RNF10: variants seen among roughly 807,000 people sequenced by gnomAD.
The protein encoded by RNF10 is ring finger protein 10.
In RNF10, 38 loss-of-function variants were observed where a neutral mutation model predicts 91.4. The observed-to-expected ratio is 0.42, with a 90% CI of 0.32 to 0.54. RNF10 has a LOEUF of 0.54. RNF10 is among the 20% of genes least tolerant of loss of function. The pLI is 0.16. For synonymous variants in RNF10, 364 were observed against 366.3 expected, an observed-to-expected ratio of 0.99 and a Z score of 0.07; for missense variants, 945 against 1,012.0, an observed-to-expected ratio of 0.93 and a Z score of 0.90.
intron 8 of RNF10, 23 bp from the exon 9 acceptor site, chr12:120,563,324 T>C: frequency 6.3e-7 from 1 of 1,590,752 alleles, no homozygotes; most frequent in Non-Finnish European, 8.5e-7. Flanking sequence ...TCCTTTCTGT[T>C]GACTTAGAGT....
chr12:120,545,174 GA>G (rs200520173), intron 1 of RNF10, among the ~76,000 whole-genome samples: 2,096 of 152,152 alleles, frequency 0.014, 53 homozygotes, highest in South Asian at 0.066. Flanking sequence ...AGAAAAACAA[GA>G]AACATTTTTA....
intron 16 of RNF10, 85 bp downstream of exon 16, chr12:120,576,035 CACTA>C: frequency 7.3e-7 from 1 of 1,370,666 alleles, no homozygotes; most frequent in East Asian, 2.3e-5. Flanking sequence ...TGGCAGACAT[CACTA>C]ATTAGGCTCT....
chr12:120,553,000 T>C (rs972836776), intron 3 of RNF10, among the ~76,000 whole-genome samples: 3 of 151,068 alleles, frequency 2.0e-5, no homozygotes, highest in African/African-American at 4.9e-5. Flanking sequence ...ACTTAACAGC[T>C]TTGAGATTTA....
At chr12:120,568,625 G>A (rs529587787) in intron 13 of RNF10, among the ~76,000 whole-genome samples, 5 of 151,614 alleles carry the variant, frequency 3.3e-5, no homozygotes, top group South Asian at 2.1e-4. Context: ...ACAGGTGTGC[G>A]TCACCATGCC....
intron 7 of RNF10, 122 bp from the exon 8 acceptor site, chr12:120,562,823 A>G: frequency 8.5e-7 from 1 of 1,180,050 alleles, no homozygotes; most frequent in Non-Finnish European, 1.2e-6. Context: ...ATTCCTTCCC[A>G]TTGGGTCTCA....
At chr12:120,552,350 A>G (rs1323892021) in intron 2 of RNF10, 149 bp from the exon 3 acceptor site, 2 of 646,318 alleles carry the variant, frequency 3.1e-6, no homozygotes, top group Non-Finnish European at 5.3e-6. Flanking sequence ...CAGTGAGCCA[A>G]GATCGTGCCA....
In RNF10 at chr12:120,534,685, A is replaced by G. The variant is rs1207913380; in HGVS notation, c.-127A>G. 7.2e-6 allele frequency: 10 copies of G among 1,379,600 alleles called. No individual in the cohort carries two copies. Among genetic ancestry groups the G allele is most frequent in the Non-Finnish European group, 9.3e-6 (10 of 1,075,878 alleles). 85.5% of individuals were successfully genotyped at this position (1,379,600 alleles called of 1,614,324 possible). On this transcript the variant is annotated 5_prime_UTR_variant, in exon 1 of 17. Coordinates refer to ENST00000325954, the MANE Select transcript of RNF10 (RefSeq NM_014868.5). ...TGAGAAGCCAAGGAAGGAAACAGGG[A>G]AAAATGTCGCCATGAAGGCCGAGAA...
chr12:120,540,946 C>G lies in RNF10; in HGVS notation c.158-5459C>G, dbSNP rs142258983. ...CTCGGCCTTGCCGCAACCTCCACCT[C>G]CCGGGTTCAAGCTATTCTCCTGCCT... On this transcript the variant is annotated intron_variant, in intron 1 of 16. Coordinates refer to ENST00000325954, the MANE Select transcript of RNF10 (RefSeq NM_014868.5). Among the ~76,000 whole-genome samples, 444 of 152,024 alleles carry G rather than the reference C, an allele frequency of 2.9e-3. 8 individuals are homozygous for G. The highest frequency in any genetic ancestry group is 1.0e-2 in the African/African-American group (413 of 41,458).
chr12:120,537,737 G>A (rs1473978038), intron 1 of RNF10, among the ~76,000 whole-genome samples: 1 of 152,134 alleles, frequency 6.6e-6, no homozygotes, highest in Non-Finnish European at 1.5e-5. Context: ...GCCACCGCCA[G>A]TGTCTGCTTT....
Position 120,534,947 on chromosome 12 carries a change from G to A in RNF10, c.136G>A (p.Gly46Ser), listed in dbSNP as rs773560714. 1.2e-6 allele frequency: 2 copies of A among 1,601,194 alleles called. No individual in the cohort carries two copies. Among genetic ancestry groups the A allele is most frequent in the Non-Finnish European group, 1.7e-6 (2 of 1,179,098 alleles). ...CCGCTCCGCCTCGGCGGGGCCAGCCGGCGAGTCTAAACCCAAGAGCGGTAA... is the reference window on the plus strand; with the variant it reads ...CCGCTCCGCCTCGGCGGGGCCAGCCAGCGAGTCTAAACCCAAGAGCGGTAA... ...PPRSASAGPA[G>S]ESKPKSDGKN... The change falls in exon 1 of 17, where the codon GGC becomes AGC. Residue 46 changes from glycine (G) to serine (S), a missense_variant. Physicochemically the swap from Gly to Ser is moderately conservative, Grantham distance 56. Coordinates refer to ENST00000325954, the MANE Select transcript of RNF10 (RefSeq NM_014868.5).
Position 120,548,742 on chromosome 12 carries a change from C to A in RNF10, c.354+2141C>A, listed in dbSNP as rs556931725. 2.0e-5 allele frequency among the ~76,000 whole-genome samples: 3 copies of A among 151,604 alleles called. No individual in the cohort carries two copies. In the East Asian group the frequency reaches 5.8e-4, roughly 30 times the overall value. ...TGGCGCAATCTCGGCTCACTGCAAC[C>A]TCCGCTCTTGGGTTCACGCCATTCT... On this transcript the variant is annotated intron_variant, in intron 2 of 16. Coordinates refer to ENST00000325954, the MANE Select transcript of RNF10 (RefSeq NM_014868.5).
chr12:120,552,564 G>C lies in RNF10; in HGVS notation c.420G>C (p.Leu140=). The part of the protein sequence containing the change: ...AQFSGPKKIN[L]NHLLNFTFEP... ...TCTCTGGTCCTAAGAAGATCAACCT[G>C]AACCACTTGTTGAATTTCACTTTTG... The change falls in exon 3 of 17, where the codon CTG becomes CTC. Residue 140 remains leucine (L), a synonymous_variant. Coordinates refer to ENST00000325954, the MANE Select transcript of RNF10 (RefSeq NM_014868.5). The C allele has an allele frequency of 1.2e-6, 2 of 1,614,192 alleles. No homozygotes were observed. Among genetic ancestry groups the C allele is most frequent in the Non-Finnish European group, 1.7e-6 (2 of 1,180,026 alleles).
chr12:120,575,532 A>G (rs1877269736), intron 14 of RNF10, 99 bp from the exon 15 acceptor site: 1 of 1,249,702 alleles, frequency 8.0e-7, no homozygotes. Context: ...CAAAGGTGAT[A>G]GTTGGTTCTG....
At chr12:120,569,495 A>G (rs1384812168) in intron 13 of RNF10, among the ~76,000 whole-genome samples, 1 of 150,848 alleles carries the variant, frequency 6.6e-6, no homozygotes, top group East Asian at 1.9e-4. Flanking sequence ...GAGCATACGA[A>G]GGACTGTGGC....
In RNF10 at chr12:120,534,911, C is replaced by A; in HGVS notation, c.100C>A (p.Gln34Lys). The A allele has an allele frequency of 6.2e-7, 1 of 1,607,176 alleles. No individual in the cohort carries two copies. ...SSASSGSSKG[Q>K]QPPRSASAGP... Reference sequence around the variant, plus strand: ...CGCCTCTTCGGGCAGCAGCAAAGGGCAACAGCCGCCCCGCTCCGCCTCGGC... The same window carrying A: ...CGCCTCTTCGGGCAGCAGCAAAGGGAAACAGCCGCCCCGCTCCGCCTCGGC... Residue 34 changes from glutamine to lysine, a missense_variant, in exon 1 of 17, where the codon CAA (glutamine) becomes AAA (lysine). Coordinates refer to ENST00000325954, the MANE Select transcript of RNF10 (RefSeq NM_014868.5).
At chr12:120,555,166 A>T (rs745562659) in intron 4 of RNF10, among the ~76,000 whole-genome samples, 7 of 152,240 alleles carry the variant, frequency 4.6e-5, no homozygotes, top group Non-Finnish European at 1.0e-4. Flanking sequence ...AGGGAGGCAC[A>T]TGAATGAGCC....
chr12:120,563,933 C>G lies in RNF10; in HGVS notation c.1655C>G (p.Ser552Cys). The G allele has an allele frequency of 6.2e-7, 1 of 1,614,110 alleles. No individual in the cohort carries two copies. Among genetic ancestry groups the G allele is most frequent in the Non-Finnish European group, 8.5e-7 (1 of 1,180,022 alleles). Residue 552 changes from serine to cysteine, a missense_variant, in exon 10 of 17, where the codon TCC becomes TGC. Coordinates refer to ENST00000325954, the MANE Select transcript of RNF10 (RefSeq NM_014868.5). ...SATVVEIAGY[S>C]MSEDVRQRHR... ...ACTGTGGTGGAGATTGCTGGCTACT[C>G]CATGTCTGAGGTGAGGCCTTCCTGT...
intron 2 of RNF10, among the ~76,000 whole-genome samples, chr12:120,546,900 T>C (rs1872422901): frequency 6.6e-6 from 1 of 152,194 alleles, no homozygotes; most frequent in South Asian, 2.1e-4. Context: ...TTGGAATATT[T>C]AGGTAATAAA....
In RNF10 at chr12:120,546,549, G is replaced by A. The variant is rs1211053469; in HGVS notation, c.302G>A (p.Gly101Asp). The A allele has an allele frequency of 1.2e-6, 2 of 1,614,060 alleles. No homozygotes were observed. The highest frequency in any genetic ancestry group is 3.3e-5 in the Admixed American group (2 of 59,986). ...TFNKMPPQRG[G>D]GSSKLFSSSF... ...AACAAGATGCCTCCTCAAAGGGGCG[G>A]CGGCAGCAGCAAACTCTTTAGCTCT... The change falls in exon 2 of 17, where the codon GGC becomes GAC. Residue 101 changes from glycine to aspartate, a missense_variant. Transcript: ENST00000325954.
Sources: allele counts gnomAD v4.1 joint callset (sites outside exome capture counted in the v4.1 genomes callset), GRCh38; gene constraint gnomAD v4.1.1; transcripts MANE v1.5; gene names NCBI Gene and HGNC (gene_info 2026-07-23, HGNC 2026-07-21).